TMIGD3: variants seen among roughly 807,000 people sequenced by gnomAD.
The protein encoded by TMIGD3 is transmembrane and immunoglobulin domain containing 3.
TMIGD3 carries 21 observed loss-of-function variants against 28.1 expected under a neutral mutation model. The ratio of observed to expected loss-of-function variants is 0.75; its 90% CI spans 0.53 to 1.08. The LOEUF is 1.08. TMIGD3 is among the 50% of genes least tolerant of loss of function. The pLI is 0.00. For synonymous variants in TMIGD3, 151 were observed against 162.1 expected, an observed-to-expected ratio of 0.93 and a Z score of 0.52; for missense variants, 416 against 435.6, an observed-to-expected ratio of 0.96 and a Z score of 0.40.
chr1:111,542,751 CA>C (rs1441481407), intron 1 of TMIGD3, among the ~76,000 whole-genome samples: 5 of 151,958 alleles, frequency 3.3e-5, no homozygotes, highest in African/African-American at 9.7e-5. Flanking sequence ...GGCTGGAGTG[CA>C]GTGGTTCTGT....
At chr1:111,521,830 C>T (rs1032696799) in intron 1 of TMIGD3, among the ~76,000 whole-genome samples, 3 of 152,148 alleles carry the variant, frequency 2.0e-5, no homozygotes, top group Non-Finnish European at 2.9e-5. Flanking sequence ...AAATCTTTGC[C>T]AAACCCAAGG....
At chr1:111,512,991 G>T (rs1405507850) in intron 1 of TMIGD3, among the ~76,000 whole-genome samples, 1 of 152,196 alleles carries the variant, frequency 6.6e-6, no homozygotes, top group Non-Finnish European at 1.5e-5. Context: ...AGAAGCAGTG[G>T]TTTGTCAGCA....
chr1:111,518,818 A>G (rs1464454492), intron 1 of TMIGD3, among the ~76,000 whole-genome samples: 1 of 152,234 alleles, frequency 6.6e-6, no homozygotes. Context: ...CTGAACTTAC[A>G]ACCTCTGGCT....
intron 1 of TMIGD3, among the ~76,000 whole-genome samples, chr1:111,542,832 G>C (rs1245184358): frequency 6.6e-6 from 1 of 152,068 alleles, no homozygotes; most frequent in Non-Finnish European, 1.5e-5. Flanking sequence ...GAATAGCTGG[G>C]ACTACAGGCA....
chr1:111,552,439 C>T (rs1657305233), intron 1 of TMIGD3, among the ~76,000 whole-genome samples: 1 of 152,166 alleles, frequency 6.6e-6, no homozygotes, highest in Non-Finnish European at 1.5e-5. Context: ...TGGTTAATTT[C>T]CAGGGTTCTG....
intron 1 of TMIGD3, among the ~76,000 whole-genome samples, chr1:111,495,608 T>C (rs1453066004): frequency 2.0e-5 from 3 of 152,238 alleles, no homozygotes; most frequent in Admixed American, 6.5e-5. Context: ...GAAAGCAGTA[T>C]GGCAATTCCT....
chr1:111,486,165 G>A (rs772965888), intron 4 of TMIGD3, among the ~76,000 whole-genome samples: 6 of 152,138 alleles, frequency 3.9e-5, no homozygotes, highest in Middle Eastern at 3.4e-3. Context: ...ATGACTATTA[G>A]GGGAAAAAAG....
intron 1 of TMIGD3, among the ~76,000 whole-genome samples, chr1:111,513,648 C>G (rs190607174): frequency 2.0e-5 from 3 of 152,278 alleles, no homozygotes; most frequent in East Asian, 3.9e-4. Context: ...GAGGAAAGTT[C>G]GACACGGTTT....
At chr1:111,505,779 G>A (rs559452767), upstream of TMIGD3, among the ~76,000 whole-genome samples, 4 of 152,284 alleles carry the variant, frequency 2.6e-5, no homozygotes, top group Admixed American at 6.5e-5. Flanking sequence ...GAGGAACCAC[G>A]CCAGAGCTCC....
intron 1 of TMIGD3, among the ~76,000 whole-genome samples, chr1:111,553,828 T>A (rs1003698127): frequency 6.6e-6 from 1 of 152,214 alleles, no homozygotes; most frequent in African/African-American, 2.4e-5. Context: ...AACACCTGTA[T>A]CAAGTCCAAA....
intron 1 of TMIGD3, among the ~76,000 whole-genome samples, chr1:111,533,691 T>A (rs1656528042): frequency 6.6e-6 from 1 of 152,108 alleles, no homozygotes; most frequent in Non-Finnish European, 1.5e-5. Context: ...GTAGCTGGGA[T>A]TACAGGAGCG....
At chr1:111,532,128 A>G (rs1409622291) in intron 1 of TMIGD3, among the ~76,000 whole-genome samples, 1 of 86,974 alleles carries the variant, frequency 1.1e-5, no homozygotes, top group African/African-American at 3.2e-5. Context: ...TCCTAGCTTA[A>G]GGTAGTTTTC....
intron 1 of TMIGD3, among the ~76,000 whole-genome samples, chr1:111,520,684 CT>C (rs1656028113): frequency 6.6e-6 from 1 of 152,194 alleles, no homozygotes; most frequent in Admixed American, 6.5e-5. Flanking sequence ...CTGAAATCAA[CT>C]TAGTGGATCA....
chr1:111,519,966 T>C (rs1656000863), intron 1 of TMIGD3, among the ~76,000 whole-genome samples: 1 of 152,204 alleles, frequency 6.6e-6, no homozygotes. Context: ...ATGCTGGGAT[T>C]ACAGGCGTGA....
chr1:111,514,175 C>T (rs573132780), intron 1 of TMIGD3, among the ~76,000 whole-genome samples: 11 of 152,250 alleles, frequency 7.2e-5, no homozygotes, highest in Admixed American at 2.0e-4. Flanking sequence ...CAAAATGGCT[C>T]GTAGAAAGCA....
chr1:111,526,054 C>A (rs1656250840), intron 1 of TMIGD3, among the ~76,000 whole-genome samples: 4 of 151,698 alleles, frequency 2.6e-5, no homozygotes. Context: ...TCTTTTTCCT[C>A]TTTTTATGCA....
chr1:111,522,162 AT>A (rs1050218714), intron 1 of TMIGD3, among the ~76,000 whole-genome samples: 164 of 152,270 alleles, frequency 1.1e-3, no homozygotes, highest in African/African-American at 3.8e-3. Context: ...GATTGTTGTC[AT>A]TTTACAGAAA....
chr1:111,507,817 G>A (rs554885448), upstream of TMIGD3, among the ~76,000 whole-genome samples: 1 of 152,258 alleles, frequency 6.6e-6, no homozygotes, highest in Non-Finnish European at 1.5e-5. Context: ...CTAGCCGACA[G>A]CTGAGGCTTA....
upstream of TMIGD3, chr1:111,504,076 G>A (rs1329386040): frequency 3.0e-6 from 3 of 985,314 alleles, no homozygotes; most frequent in East Asian, 1.1e-4. Context: ...TGCACGAGTT[G>A]ACGCTTTGCT....
Sources: gnomAD v4.1 joint callset for allele counts (sites outside exome capture counted in the v4.1 genomes callset) on GRCh38, gnomAD v4.1.1 for gene constraint, MANE v1.5 for transcripts, NCBI Gene and HGNC (gene_info 2026-07-23, HGNC 2026-07-21) for gene names.